FUT9: variants seen among roughly 807,000 people sequenced by gnomAD.
FUT9 encodes the protein fucosyltransferase 9.
A neutral mutation model predicts 29.7 loss-of-function variants in FUT9; 15 were observed. That is an observed-to-expected ratio of 0.51 (90% CI 0.34 to 0.78). FUT9 has a LOEUF of 0.78. Among genes scored for constraint, FUT9 ranks in the 30% least tolerant of loss-of-function variants. FUT9 has a pLI of 0.01. For synonymous variants in FUT9, 169 were observed against 153.7 expected (o/e 1.10, Z -0.74); for missense variants, 319 against 425.4 (o/e 0.75, Z 2.20).
At chr6:96,120,742 A>ATTTTTTTTTTTTTT in intron 2 of FUT9, among the ~76,000 whole-genome samples, 1 of 151,390 alleles carries the variant, frequency 6.6e-6, no homozygotes. Context: ...TTTAGGAGTA[A>ATTTTTTTTTTTTTT]TTGGGGTAGC....
chr6:96,170,135 CAAG>C (rs1773084532), intron 2 of FUT9, among the ~76,000 whole-genome samples: 1 of 152,070 alleles, frequency 6.6e-6, no homozygotes, highest in Non-Finnish European at 1.5e-5. Context: ...GACAGCATAA[CAAG>C]AAGCTCAATT....
At chr6:96,071,501 G>A (rs1771058050) in intron 1 of FUT9, among the ~76,000 whole-genome samples, 1 of 152,102 alleles carries the variant, frequency 6.6e-6, no homozygotes, top group Non-Finnish European at 1.5e-5. Flanking sequence ...AATGATCACA[G>A]ATAAAATAAT....
At chr6:96,192,755 A>T (rs1773536341) in intron 2 of FUT9, among the ~76,000 whole-genome samples, 1 of 152,104 alleles carries the variant, frequency 6.6e-6, no homozygotes, top group Non-Finnish European at 1.5e-5. Context: ...GTCAATCCTA[A>T]GCCAAAAGAA....
chr6:96,134,456 T>C (rs2127970542), intron 2 of FUT9, among the ~76,000 whole-genome samples: 1 of 151,970 alleles, frequency 6.6e-6, no homozygotes, highest in East Asian at 1.9e-4. Context: ...TTATCTAATA[T>C]CTGATATTTA....
chr6:96,193,618 G>T (rs1363114742), intron 2 of FUT9, among the ~76,000 whole-genome samples: 1 of 152,068 alleles, frequency 6.6e-6, no homozygotes, highest in Non-Finnish European at 1.5e-5. Flanking sequence ...CTGTAAACTA[G>T]TTCAACCGTT....
intron 1 of FUT9, among the ~76,000 whole-genome samples, chr6:96,096,416 T>C (rs1157799644): frequency 1.3e-5 from 2 of 152,160 alleles, no homozygotes; most frequent in Non-Finnish European, 2.9e-5. Flanking sequence ...AAAATATAAG[T>C]CAGCTCATAT....
intron 1 of FUT9, among the ~76,000 whole-genome samples, chr6:96,078,543 C>T (rs1290885230): frequency 4.0e-5 from 6 of 150,296 alleles, no homozygotes; most frequent in African/African-American, 1.5e-4. Flanking sequence ...GCCTCAGCCT[C>T]CCGAGTAGCT....
chr6:96,202,156 G>A (rs1186840676), intron 2 of FUT9, among the ~76,000 whole-genome samples: 1 of 151,660 alleles, frequency 6.6e-6, no homozygotes, highest in Non-Finnish European at 1.5e-5. Context: ...ATATTTTTGT[G>A]TTCATAGCCA....
rs754234466 is a variant in FUT9, at chr6:96,111,715, G to A, written c.-97-2324G>A. 1.1e-4 allele frequency among the ~76,000 whole-genome samples: 16 copies of A among 152,184 alleles called. No homozygotes were observed. The East Asian group carries it at 1.2e-3, about 11-fold the overall frequency. On this transcript the variant is annotated intron_variant, in intron 1 of 2. Transcript: ENST00000302103. ...CAGCCAAGGTCTTTTTGAAAGCACC[G>A]AATCAGATGTTGGATGGTAAAAACA... is the stretch of plus-strand genomic sequence containing the variant.
intron 1 of FUT9, among the ~76,000 whole-genome samples, chr6:96,018,773 G>A (rs1378357722): frequency 1.3e-5 from 2 of 151,998 alleles, no homozygotes; most frequent in South Asian, 2.1e-4. Context: ...TTTGCCTTGT[G>A]TGTGATGAAG....
intron 2 of FUT9, among the ~76,000 whole-genome samples, chr6:96,185,306 C>A (rs1333655385): frequency 6.6e-6 from 1 of 151,816 alleles, no homozygotes; most frequent in Non-Finnish European, 1.5e-5. Flanking sequence ...AATGAAGTAA[C>A]AATAGCAAGG....
chr6:96,078,575 T>A (rs181453997), intron 1 of FUT9, among the ~76,000 whole-genome samples: 43 of 151,678 alleles, frequency 2.8e-4, no homozygotes, highest in South Asian at 1.0e-3. Context: ...CACATGCCAC[T>A]ACGCCCGGCT....
At chr6:96,191,682 A>G (rs911479077) in intron 2 of FUT9, among the ~76,000 whole-genome samples, 2 of 152,216 alleles carry the variant, frequency 1.3e-5, no homozygotes, top group African/African-American at 4.8e-5. Flanking sequence ...TTCCTTCTGC[A>G]ACTATTCCAA....
chr6:96,163,370 A>G (rs932282862), intron 2 of FUT9, among the ~76,000 whole-genome samples: 1 of 148,810 alleles, frequency 6.7e-6, no homozygotes, highest in African/African-American at 2.5e-5. Context: ...CCATACTTCT[A>G]TATTTGAGTT....
intron 1 of FUT9, among the ~76,000 whole-genome samples, chr6:96,103,031 G>A (rs1414350161): frequency 6.6e-6 from 1 of 152,224 alleles, no homozygotes; most frequent in South Asian, 2.1e-4. Flanking sequence ...TTGGTCTTGG[G>A]CTATGGGAAA....
chr6:96,092,870 C>T (rs1771434414), intron 1 of FUT9, among the ~76,000 whole-genome samples: 1 of 152,016 alleles, frequency 6.6e-6, no homozygotes, highest in African/African-American at 2.4e-5. Context: ...AAACAATCCT[C>T]CCACCTCAAC....
At chr6:96,115,203 T>C (rs191028610) in intron 2 of FUT9, among the ~76,000 whole-genome samples, 1 of 152,328 alleles carries the variant, frequency 6.6e-6, no homozygotes, top group Admixed American at 6.5e-5. Flanking sequence ...ATTTTTCTCA[T>C]GGCCACATTT....
chr6:96,200,474 GT>G (rs1773708563), intron 2 of FUT9, among the ~76,000 whole-genome samples: 1 of 152,090 alleles, frequency 6.6e-6, no homozygotes, highest in African/African-American at 2.4e-5. Context: ...ATGAGAAAAG[GT>G]GTCCTTTTTA....
At chr6:96,017,320 T>C (rs553589860) in intron 1 of FUT9, among the ~76,000 whole-genome samples, 159 of 152,338 alleles carry the variant, frequency 1.0e-3, no homozygotes, top group Non-Finnish European at 1.9e-3. Flanking sequence ...AGTTGTGTAG[T>C]ATCTTAGCAC....
Sources: gnomAD v4.1 joint callset for allele counts (sites outside exome capture counted in the v4.1 genomes callset) on GRCh38, gnomAD v4.1.1 for gene constraint, MANE v1.5 for transcripts, NCBI Gene and HGNC (gene_info 2026-07-23, HGNC 2026-07-21) for gene names.